ARHGEF18: variants seen among roughly 807,000 people sequenced by gnomAD.
The protein encoded by ARHGEF18 is Rho/Rac guanine nucleotide exchange factor 18, also known as rho guanine nucleotide exchange factor 18.
In ARHGEF18, 93 loss-of-function variants were observed where a neutral mutation model predicts 155.7. The observed-to-expected ratio is 0.60, with a 90% confidence interval of 0.50 to 0.71. ARHGEF18 has a LOEUF of 0.71. Ranked by LOEUF, ARHGEF18 falls within the 30% of genes least tolerant of loss-of-function variation. ARHGEF18 has a pLI of 0.00. For missense variants in ARHGEF18, 1,593 were observed against 1,816.1 expected, an observed-to-expected ratio of 0.88 and a Z score of 2.23; for synonymous variants, 742 against 753.1, an observed-to-expected ratio of 0.99 and a Z score of 0.24.
Position 7,407,013 on chromosome 19 carries a change from G to A in ARHGEF18, c.967+23810G>A, listed in dbSNP as rs150418498. 4.2e-4 allele frequency among the ~76,000 whole-genome samples: 63 copies of A among 148,542 alleles called. No homozygotes were observed. In the East Asian group the frequency reaches 0.012, roughly 29 times the overall value. On this transcript the variant is annotated intron_variant, in intron 10 of 28. Coordinates refer to ENST00000668164, the MANE Select transcript of ARHGEF18 (RefSeq NM_001367823.1). ...CCGGGAAGCAGAGCTTGCAGTGAGC[G>A]GAGATCGTGCCACTGCACTCCAGCC...
intron 23 of ARHGEF18, 31 bp from the exon 24 acceptor site, chr19:7,466,885 ACT>A (rs1384880994): frequency 1.2e-6 from 2 of 1,604,446 alleles, no homozygotes; most frequent in Non-Finnish European, 1.7e-6. Context: ...GTCTTGAGCC[ACT>A]CTCTCTGGTT....
intron 18 of ARHGEF18, among the ~76,000 whole-genome samples, chr19:7,457,431 C>T (rs1448233017): frequency 2.2e-5 from 3 of 138,334 alleles, no homozygotes; most frequent in African/African-American, 5.6e-5. Flanking sequence ...GACACAATCT[C>T]GACTCACTGC....
chr19:7,363,117 G>A (rs1198205768), intron 2 of ARHGEF18, among the ~76,000 whole-genome samples: 1 of 152,076 alleles, frequency 6.6e-6, no homozygotes, highest in African/African-American at 2.4e-5. Context: ...GAGCAATGGA[G>A]GGATGAATGG....
intron 10 of ARHGEF18, among the ~76,000 whole-genome samples, chr19:7,430,363 G>C (rs1181922299): frequency 9.3e-6 from 1 of 107,540 alleles, no homozygotes; most frequent in Non-Finnish European, 1.8e-5. Context: ...TACCATGCCT[G>C]GCTAATTTTT....
chr19:7,355,270 G>A (rs1969258666), intron 1 of ARHGEF18, among the ~76,000 whole-genome samples: 1 of 151,826 alleles, frequency 6.6e-6, no homozygotes, highest in Non-Finnish European at 1.5e-5. Flanking sequence ...AACCCACCAA[G>A]ACGATGGCAC....
At chr19:7,380,177 A>G (rs1189574155) in intron 7 of ARHGEF18, among the ~76,000 whole-genome samples, 1 of 120,630 alleles carries the variant, frequency 8.3e-6, no homozygotes, top group Non-Finnish European at 2.0e-5. Flanking sequence ...AACCCTGTTT[A>G]AAAAAAAAAA....
intron 18 of ARHGEF18, among the ~76,000 whole-genome samples, chr19:7,458,158 G>A (rs1975965009): frequency 6.6e-6 from 1 of 151,534 alleles, no homozygotes; most frequent in Non-Finnish European, 1.5e-5. Context: ...CTGGCGGCAC[G>A]TGCCTATAAT....
At chr19:7,466,823 A>G in intron 23 of ARHGEF18, 95 bp from the exon 24 acceptor site, 1 of 1,152,508 alleles carries the variant, frequency 8.7e-7, no homozygotes, top group Non-Finnish European at 1.2e-6. Context: ...AAAAAAAAAA[A>G]AAAGTTAAAA....
rs543676870 is a variant in ARHGEF18, at chr19:7,405,202, G to A, written c.967+21999G>A. ...TCAAACTCCTGACCTCAGGCAATCC[G>A]CCCGCCTCAGCCTCCCAAAGTGCTG... On this transcript the variant is annotated intron_variant, in intron 10 of 28. Transcript: ENST00000668164. Among the ~76,000 whole-genome samples the A allele has an allele frequency of 5.9e-5, 9 of 151,916 alleles. No homozygotes were observed. In the South Asian group the frequency reaches 8.3e-4, roughly 14 times the overall value.
intron 10 of ARHGEF18, among the ~76,000 whole-genome samples, chr19:7,396,956 C>T (rs1158845541): frequency 6.6e-6 from 1 of 151,600 alleles, no homozygotes; most frequent in Non-Finnish European, 1.5e-5. Flanking sequence ...TGCGAATGCT[C>T]CCAGGCTTGG....
intron 9 of ARHGEF18, 22 bp from the exon 10 acceptor site, chr19:7,383,040 G>A (rs1970820027): frequency 8.1e-7 from 1 of 1,232,266 alleles, no homozygotes; most frequent in Non-Finnish European, 1.0e-6. Flanking sequence ...GGCATCCTGA[G>A]ACCCACCTCT....
rs116229755 is a variant in ARHGEF18 at position 7,421,225 on chromosome 19, A to G, written c.968-19119A>G. 9.9e-3 allele frequency among the ~76,000 whole-genome samples: 1,509 copies of G among 152,300 alleles called. 28 individuals carry two copies. The highest frequency in any genetic ancestry group is 0.034 in the African/African-American group (1,394 of 41,570). On this transcript the variant is annotated intron_variant, in intron 10 of 28. Coordinates refer to ENST00000668164, the MANE Select transcript of ARHGEF18 (RefSeq NM_001367823.1). ...TCCTCAGGATTATGTCTTTGACTGC[A>G]GTCGGCCCTTGAACAGCACGGGTTT... is the stretch of plus-strand genomic sequence containing the variant.
chr19:7,461,765 C>G (rs1421854410), intron 20 of ARHGEF18, among the ~76,000 whole-genome samples: 1 of 152,110 alleles, frequency 6.6e-6, no homozygotes, highest in Non-Finnish European at 1.5e-5. Flanking sequence ...CCTTGAACTC[C>G]TGGGCTCAAG....
At chr19:7,400,301 G>C (rs530035606) in intron 10 of ARHGEF18, among the ~76,000 whole-genome samples, 1 of 152,248 alleles carries the variant, frequency 6.6e-6, no homozygotes, top group South Asian at 2.1e-4. Flanking sequence ...ACAGTCATCA[G>C]TATTTAATTC....
chr19:7,416,471 C>T (rs1255421307), intron 10 of ARHGEF18, among the ~76,000 whole-genome samples: 1 of 150,692 alleles, frequency 6.6e-6, no homozygotes, highest in Non-Finnish European at 1.5e-5. Context: ...CGTAGTGCTG[C>T]AGTGCCAGCA....
chr19:7,418,817 G>A (rs1401757597), intron 10 of ARHGEF18, among the ~76,000 whole-genome samples: 1 of 152,018 alleles, frequency 6.6e-6, no homozygotes, highest in Non-Finnish European at 1.5e-5. Context: ...GGTGAAGGTG[G>A]CACTCATTGA....
intron 19 of ARHGEF18, among the ~76,000 whole-genome samples, chr19:7,459,268 C>T (rs1335828705): frequency 6.6e-6 from 1 of 152,144 alleles, no homozygotes; most frequent in Admixed American, 6.6e-5. Context: ...ATCACCCAGG[C>T]TGGAGTGCGC....
At chr19:7,451,756 G>A (rs1015254096) in intron 16 of ARHGEF18, among the ~76,000 whole-genome samples, 1 of 151,558 alleles carries the variant, frequency 6.6e-6, no homozygotes, top group Non-Finnish European at 1.5e-5. Context: ...CAGTCTTGCT[G>A]TGTCCCTCAG....
rs1348354514 is a variant in ARHGEF18, at chr19:7,471,611, C to T, written c.*1313C>T. Reference sequence around the variant, plus strand: ...GATCCCGGGGGGATTCAGCCCTTCTCCCACTGTGCTGGCAGAGGCACTCCT... The same window carrying T: ...GATCCCGGGGGGATTCAGCCCTTCTTCCACTGTGCTGGCAGAGGCACTCCT... On this transcript the variant is annotated 3_prime_UTR_variant, in exon 29 of 29. Transcript: ENST00000668164. The surrounding 1 kb of genome is among the most constrained non-coding windows in gnomAD (Gnocchi z 4.4). The T allele has an allele frequency of 2.0e-5, 3 of 152,324 alleles. No individual in the cohort carries two copies. The highest frequency in any genetic ancestry group is 7.2e-5 in the African/African-American group (3 of 41,468). 9.4% of individuals were successfully genotyped at this position (152,324 alleles called of 1,614,324 possible). A position where few individuals can be genotyped will look rare whatever the true frequency, so the allele number is the denominator to read the frequency against.
Sources: allele counts gnomAD v4.1 joint callset (sites outside exome capture counted in the v4.1 genomes callset), GRCh38; gene constraint gnomAD v4.1.1; non-coding constraint Gnocchi (gnomAD v3.1); transcripts MANE v1.5; gene names NCBI Gene and HGNC (gene_info 2026-07-23, HGNC 2026-07-21).